Variants in TTLL11 observed in about 807,000 individuals in gnomAD.
The protein encoded by TTLL11 is tubulin polyglutamylase TTLL11.
Under a neutral mutation model 51.7 loss-of-function variants are expected in TTLL11, and 42 were observed. That is an observed-to-expected ratio of 0.81 (90% CI 0.64 to 1.05). The LOEUF is 1.05. Ranked by LOEUF, TTLL11 falls within the 50% of genes least tolerant of loss-of-function variation. The probability of loss-of-function intolerance (pLI) is 0.00; values close to 1 mark genes in which losing one functional copy is unlikely to be tolerated. For synonymous variants in TTLL11, 381 were observed against 383.5 expected, an observed-to-expected ratio of 0.99 and a Z score of 0.08; for missense variants, 799 against 940.4, an observed-to-expected ratio of 0.85 and a Z score of 1.97.
intron 1 of TTLL11, among the ~76,000 whole-genome samples, chr9:122,041,730 A>G (rs955550503): frequency 2.0e-5 from 3 of 152,122 alleles, no homozygotes; most frequent in Admixed American, 2.0e-4. Flanking sequence ...AGACTTGTAC[A>G]CTGAAAACTA....
At chr9:121,954,683 C>CAG (rs1308225780) in intron 6 of TTLL11, among the ~76,000 whole-genome samples, 6 of 151,216 alleles carry the variant, frequency 4.0e-5, no homozygotes, top group African/African-American at 1.5e-4. Flanking sequence ...CAGACGCACA[C>CAG]ACACACACAC....
chr9:122,030,203 G>GT (rs956994704), intron 3 of TTLL11, among the ~76,000 whole-genome samples: 1 of 53,072 alleles, frequency 1.9e-5, no homozygotes, highest in Admixed American at 1.9e-4. Context: ...GAGAGACATT[G>GT]GGGGGGGGGG....
intron 6 of TTLL11, among the ~76,000 whole-genome samples, chr9:121,952,620 C>T (rs908216593): frequency 1.3e-4 from 20 of 152,106 alleles, no homozygotes; most frequent in African/African-American, 4.6e-4. Flanking sequence ...TTTCTGGCCT[C>T]TCCTGCCCCC....
chr9:121,984,153 G>T (rs1189629801), intron 4 of TTLL11, among the ~76,000 whole-genome samples: 2 of 152,148 alleles, frequency 1.3e-5, no homozygotes, highest in Admixed American at 1.3e-4. Flanking sequence ...GTACAGGGAA[G>T]CTAGACTGGG....
Position 122,031,816 on chromosome 9 carries a change from T to G in TTLL11, c.600A>C (p.Ala200=), listed in dbSNP as rs1269340010. 1 of 1,614,152 alleles carries G rather than the reference T, an allele frequency of 6.2e-7. No homozygotes were observed. The highest frequency in any genetic ancestry group is 8.5e-7 in the Non-Finnish European group (1 of 1,180,014). ...EMVRKITLSR[A]VRTMQNLFPE... is the part of the protein sequence containing the mutation. ...GAAAGAGATTCTGCATGGTTCTCAC[T>G]GCTCTGCTCAGAGTAATTTTACGCA... Residue 200 remains alanine, a synonymous_variant, in exon 3 of 9, where the codon GCA becomes GCC. Coordinates refer to ENST00000321582, the MANE Select transcript of TTLL11 (RefSeq NM_001139442.2).
chr9:121,838,975 C>A (rs879495849), intron 8 of TTLL11, among the ~76,000 whole-genome samples: 10 of 152,308 alleles, frequency 6.6e-5, no homozygotes, highest in Non-Finnish European at 1.2e-4. Context: ...CGTCACCCTG[C>A]GGGCCTTCAT....
intron 1 of TTLL11, among the ~76,000 whole-genome samples, chr9:122,050,678 A>T (rs552753415): frequency 6.6e-6 from 1 of 152,254 alleles, no homozygotes; most frequent in Non-Finnish European, 1.5e-5. Flanking sequence ...AGCAGAAGTG[A>T]TAAGCCGTCA....
At chr9:122,000,101 T>TA (rs1453928099) in intron 3 of TTLL11, among the ~76,000 whole-genome samples, 2 of 152,126 alleles carry the variant, frequency 1.3e-5, no homozygotes, top group Non-Finnish European at 2.9e-5. Flanking sequence ...AAACCTACTG[T>TA]GCTGCATTCG....
chr9:121,865,304 G>T (rs1255131924), intron 7 of TTLL11, among the ~76,000 whole-genome samples: 1 of 152,148 alleles, frequency 6.6e-6, no homozygotes, highest in Non-Finnish European at 1.5e-5. Flanking sequence ...TATGATAAAA[G>T]GGAGTGGAAG....
At chr9:121,958,477 C>A (rs1217783294) in intron 6 of TTLL11, among the ~76,000 whole-genome samples, 1 of 152,168 alleles carries the variant, frequency 6.6e-6, no homozygotes, top group East Asian at 1.9e-4. Context: ...AGCACCTCCA[C>A]CATTTCCTCC....
intron 7 of TTLL11, among the ~76,000 whole-genome samples, chr9:121,863,990 C>T (rs1427519493): frequency 6.6e-6 from 1 of 152,204 alleles, no homozygotes; most frequent in Non-Finnish European, 1.5e-5. Flanking sequence ...GGGTTGGAGC[C>T]TCTAAAGCAC....
chr9:121,967,152 A>G (rs1404160092), intron 6 of TTLL11, among the ~76,000 whole-genome samples: 4 of 150,140 alleles, frequency 2.7e-5, no homozygotes, highest in African/African-American at 9.8e-5. Flanking sequence ...GCTGATACCA[A>G]GTCTATTGTC....
At chr9:121,899,498 G>A (rs1839692977) in intron 6 of TTLL11, among the ~76,000 whole-genome samples, 1 of 151,370 alleles carries the variant, frequency 6.6e-6, no homozygotes, top group Non-Finnish European at 1.5e-5. Context: ...TGAATGCCTG[G>A]GCTCAAAAGA....
Position 121,822,506 on chromosome 9 carries a change from C to T in TTLL11, c.*81G>A, listed in dbSNP as rs566540719. On this transcript the variant is annotated 3_prime_UTR_variant, in exon 9 of 9. Transcript: ENST00000321582. This position sits in a 1 kb window ranked among gnomAD's most constrained non-coding sequence, Gnocchi z 5.8. ...GCCCCTCGGCAGCCTGCCTGCCATT[C>T]CTCTGCAGGCAGAATGCCTGGGGCG... 1 of 1,311,342 alleles carries T rather than the reference C, an allele frequency of 7.6e-7. No homozygotes were observed. The highest frequency in any genetic ancestry group is 1.5e-5 in the African/African-American group (1 of 65,764). 81.2% of individuals were successfully genotyped at this position (1,311,342 alleles called of 1,614,324 possible).
Position 121,952,932 on chromosome 9 carries a change from A to G in TTLL11, c.1481+21077T>C, listed in dbSNP as rs555221076. Among the ~76,000 whole-genome samples, 4 of 152,190 alleles carry G rather than the reference A, an allele frequency of 2.6e-5. No homozygotes were observed. The East Asian group carries it at 7.8e-4, about 30-fold the overall frequency. On this transcript the variant is annotated intron_variant, in intron 6 of 8. Coordinates refer to ENST00000321582, the MANE Select transcript of TTLL11 (RefSeq NM_001139442.2). ...TGGCCCTTATCCTCTTTATTTCTTT[A>G]TCTTATTCTCAAGTAATTCAGAACC...
At chr9:121,932,219 G>C (rs948269887) in intron 6 of TTLL11, among the ~76,000 whole-genome samples, 11 of 152,116 alleles carry the variant, frequency 7.2e-5, no homozygotes, top group Non-Finnish European at 1.5e-4. Flanking sequence ...CAAGAAGCCT[G>C]ACCTAGGCTG....
chr9:121,827,578 T>C (rs1391232190), intron 8 of TTLL11, among the ~76,000 whole-genome samples: 1 of 152,226 alleles, frequency 6.6e-6, no homozygotes, highest in East Asian at 1.9e-4. Context: ...CAGACGGTCC[T>C]ATTGAATGCG....
At chr9:122,043,974 T>C (rs1291609468) in intron 1 of TTLL11, among the ~76,000 whole-genome samples, 2 of 152,074 alleles carry the variant, frequency 1.3e-5, no homozygotes, top group African/African-American at 4.8e-5. Context: ...CGTCATTTAG[T>C]ATTAGGTATA....
intron 8 of TTLL11, among the ~76,000 whole-genome samples, chr9:121,828,503 T>C (rs1325642693): frequency 1.3e-5 from 2 of 152,198 alleles, no homozygotes; most frequent in Non-Finnish European, 2.9e-5. Flanking sequence ...CTTAAAATTA[T>C]ATCATTAACA....
Sources: allele counts gnomAD v4.1 joint callset (sites outside exome capture counted in the v4.1 genomes callset), GRCh38; gene constraint gnomAD v4.1.1; non-coding constraint Gnocchi (gnomAD v3.1); transcripts MANE v1.5; gene names NCBI Gene and HGNC (gene_info 2026-07-23, HGNC 2026-07-21).